The following PALM2AKAP2 variants were observed in gnomAD, a reference collection of about 807,000 sequenced individuals.
PALM2AKAP2 encodes PALM2 and AKAP2 fusion, also known as PALM2-AKAP2 fusion protein.
Under a neutral mutation model 71.5 loss-of-function variants are expected in PALM2AKAP2, and 37 were observed. The ratio of observed to expected loss-of-function variants is 0.52; its 90% CI spans 0.40 to 0.68. PALM2AKAP2 has a LOEUF of 0.68. PALM2AKAP2 is among the 30% of genes least tolerant of loss of function. The probability of loss-of-function intolerance (pLI) is 0.00; values close to 1 mark genes in which losing one functional copy is unlikely to be tolerated. For synonymous variants in PALM2AKAP2, 468 were observed against 478.8 expected (o/e 0.98, Z 0.29); for missense variants, 1,224 against 1,191.8 (o/e 1.03, Z -0.40).
rs147015151 is a variant in PALM2AKAP2 at position 109,800,208 on chromosome 9, A to G, written c.45+19675A>G. The stretch of plus-strand genomic sequence containing the variant: ...AAACACACTTTTAAATCAGAGGAGC[A>G]TATTTCAAGGCATTTATATTTAAGA... On this transcript the variant is annotated intron_variant, in intron 1 of 9. Coordinates refer to the PALM2AKAP2 transcript ENST00000302798. 5.3e-5 allele frequency among the ~76,000 whole-genome samples: 8 copies of G among 152,370 alleles called. No homozygotes were observed. In the East Asian group the frequency reaches 1.3e-3, roughly 26 times the overall value.
chr9:110,140,615 G>T (rs1035756625), intron 2 of PALM2AKAP2, among the ~76,000 whole-genome samples: 1 of 147,882 alleles, frequency 6.8e-6, no homozygotes. Flanking sequence ...TTCCATATTT[G>T]TGACCACCTT....
At chr9:109,686,425 A>C (rs1827806136) in intron 1 of PALM2AKAP2, among the ~76,000 whole-genome samples, 1 of 152,224 alleles carries the variant, frequency 6.6e-6, no homozygotes, top group South Asian at 2.1e-4. Flanking sequence ...GTTAGCAGGC[A>C]TGAAAACAAC....
At chr9:109,656,085 C>G (rs1346654863) in intron 1 of PALM2AKAP2, among the ~76,000 whole-genome samples, 2 of 152,096 alleles carry the variant, frequency 1.3e-5, no homozygotes, top group African/African-American at 2.4e-5. Context: ...CCAATAAAAT[C>G]CTACCAGAAA....
chr9:109,684,775 T>C (rs1434938674), intron 1 of PALM2AKAP2, among the ~76,000 whole-genome samples: 1 of 152,336 alleles, frequency 6.6e-6, no homozygotes, highest in South Asian at 2.1e-4. Context: ...ACTTACTATA[T>C]GAACTAGCAA....
intron 1 of PALM2AKAP2, among the ~76,000 whole-genome samples, chr9:110,061,404 C>T (rs987723341): frequency 6.6e-6 from 1 of 151,928 alleles, no homozygotes; most frequent in East Asian, 1.9e-4. Context: ...AAGGGTGTAA[C>T]TTAACTTTGA....
At chr9:109,728,651 T>G (rs944663468) in intron 1 of PALM2AKAP2, among the ~76,000 whole-genome samples, 4 of 152,212 alleles carry the variant, frequency 2.6e-5, no homozygotes, top group African/African-American at 9.7e-5. Flanking sequence ...CTTGTTTTAT[T>G]TAATGTTACC....
At chr9:109,956,386 A>G (rs1409771173) in intron 6 of PALM2AKAP2, among the ~76,000 whole-genome samples, 1 of 152,302 alleles carries the variant, frequency 6.6e-6, no homozygotes, top group East Asian at 1.9e-4. Context: ...TAAAAACACG[A>G]GCTGTGGGCC....
At chr9:109,982,668 C>T (rs1432253605) in intron 6 of PALM2AKAP2, among the ~76,000 whole-genome samples, 2 of 152,168 alleles carry the variant, frequency 1.3e-5, no homozygotes, top group Non-Finnish European at 2.9e-5. Flanking sequence ...TTCTGTCACC[C>T]AGGCAGGAGT....
At chr9:109,766,458 G>A (rs1017917620) in intron 1 of PALM2AKAP2, among the ~76,000 whole-genome samples, 1 of 152,196 alleles carries the variant, frequency 6.6e-6, no homozygotes, top group Non-Finnish European at 1.5e-5. Context: ...GGTTGGCTCT[G>A]CATCTTCTTG....
rs192758489 is a variant in PALM2AKAP2 at position 109,654,665 on chromosome 9, G to T, written c.5+13799G>T. ...AAAAGCATTTTGTTATATCAGGATG[G>T]TGTGTCTATGACTTCAGTGCAAGTA... On this transcript the variant is annotated intron_variant, in intron 1 of 6. Transcript: ENST00000374531. Among the ~76,000 whole-genome samples, 11 of 152,132 alleles carry T rather than the reference G, an allele frequency of 7.2e-5. 1 individual carries two copies. The East Asian group carries it at 2.1e-3, about 29-fold the overall frequency.
intron 1 of PALM2AKAP2, among the ~76,000 whole-genome samples, chr9:109,719,144 A>G (rs1284793586): frequency 6.6e-6 from 1 of 152,238 alleles, no homozygotes; most frequent in East Asian, 1.9e-4. Flanking sequence ...GAAATTAGAT[A>G]TCGAGGAACA....
At chr9:110,093,231 A>G (rs1834757119) in intron 1 of PALM2AKAP2, among the ~76,000 whole-genome samples, 2 of 149,130 alleles carry the variant, frequency 1.3e-5, no homozygotes, top group African/African-American at 2.5e-5. Context: ...TTCAGAATTG[A>G]TAGTTGATTG....
intron 6 of PALM2AKAP2, among the ~76,000 whole-genome samples, chr9:109,985,893 C>A (rs1373532314): frequency 2.0e-5 from 3 of 151,992 alleles, no homozygotes; most frequent in Non-Finnish European, 2.9e-5. Flanking sequence ...CAAATGATCC[C>A]CCCACCTTGG....
intron 1 of PALM2AKAP2, among the ~76,000 whole-genome samples, chr9:109,799,866 A>G (rs1827374986): frequency 6.6e-6 from 1 of 152,188 alleles, no homozygotes; most frequent in African/African-American, 2.4e-5. Flanking sequence ...CCCCAGCTTC[A>G]GTGGAAAGCC....
intron 3 of PALM2AKAP2, among the ~76,000 whole-genome samples, chr9:109,891,781 G>A (rs185590442): frequency 2.1e-4 from 32 of 152,198 alleles, no homozygotes; most frequent in South Asian, 4.2e-4. Context: ...GTGAATCCCC[G>A]TGCCTGGCCA....
chr9:109,948,321 A>T (rs1831558919), intron 6 of PALM2AKAP2, among the ~76,000 whole-genome samples: 1 of 152,170 alleles, frequency 6.6e-6, no homozygotes, highest in Non-Finnish European at 1.5e-5. Flanking sequence ...CTTCCCCAGC[A>T]TAATTTTTAT....
chr9:109,653,221 G>A (rs1412309829), intron 1 of PALM2AKAP2, among the ~76,000 whole-genome samples: 1 of 152,044 alleles, frequency 6.6e-6, no homozygotes. Flanking sequence ...GTGCAAAGTG[G>A]GATCACAAAC....
intron 1 of PALM2AKAP2, among the ~76,000 whole-genome samples, chr9:110,078,710 T>G (rs1223119300): frequency 6.6e-6 from 1 of 152,234 alleles, no homozygotes; most frequent in East Asian, 1.9e-4. Flanking sequence ...TCACTTGCAC[T>G]CTTGTACTAC....
At chr9:110,116,519 G>A (rs1426482305) in intron 1 of PALM2AKAP2, among the ~76,000 whole-genome samples, 1 of 152,196 alleles carries the variant, frequency 6.6e-6, no homozygotes, top group African/African-American at 2.4e-5. Flanking sequence ...TAGAATAATG[G>A]ATAAGCCGGC....
Sources: allele counts gnomAD v4.1 joint callset (sites outside exome capture counted in the v4.1 genomes callset), GRCh38; gene constraint gnomAD v4.1.1; transcripts MANE v1.5; gene names NCBI Gene and HGNC (gene_info 2026-07-23, HGNC 2026-07-21).